Variants in PMEPA1 observed in about 807,000 individuals in gnomAD.
PMEPA1 encodes prostate transmembrane protein, androgen induced 1, also known as protein TMEPAI.
PMEPA1 carries 11 observed loss-of-function variants against 23.0 expected under a neutral mutation model. The observed-to-expected ratio is 0.48, with a 90% confidence interval of 0.30 to 0.79. The LOEUF (loss-of-function observed/expected upper bound fraction) is 0.79. Ranked by LOEUF, PMEPA1 falls within the 30% of genes least tolerant of loss-of-function variation. The probability of loss-of-function intolerance (pLI) is 0.06; values close to 1 mark genes in which losing one functional copy is unlikely to be tolerated. For synonymous variants in PMEPA1, 204 were observed against 166.4 expected, an observed-to-expected ratio of 1.23 and a Z score of -1.74; for missense variants, 377 against 390.9, an observed-to-expected ratio of 0.96 and a Z score of 0.30.
At chr20:57,706,837 C>T (rs2072097325) in intron 1 of PMEPA1, among the ~76,000 whole-genome samples, 1 of 152,138 alleles carries the variant, frequency 6.6e-6, no homozygotes, top group Non-Finnish European at 1.5e-5. Context: ...CTTGCGTAGG[C>T]TCCTCTCAGG....
intron 1 of PMEPA1, among the ~76,000 whole-genome samples, chr20:57,691,342 A>G (rs1310066653): frequency 1.3e-5 from 2 of 152,178 alleles, no homozygotes; most frequent in African/African-American, 4.8e-5. Context: ...ACTCTTCCGA[A>G]GGTCCCTCCA....
At chr20:57,668,501 G>A (rs961675938) in intron 1 of PMEPA1, among the ~76,000 whole-genome samples, 1 of 152,166 alleles carries the variant, frequency 6.6e-6, no homozygotes, top group Non-Finnish European at 1.5e-5. Flanking sequence ...CTCCTCCTAC[G>A]CCTGTCCCCT....
chr20:57,693,875 GA>G (rs1169606399), intron 1 of PMEPA1, among the ~76,000 whole-genome samples: 4 of 152,206 alleles, frequency 2.6e-5, no homozygotes, highest in African/African-American at 4.8e-5. Context: ...GGGCACCAAG[GA>G]AGTACTCAGT....
chr20:57,666,549 AGT>A (rs1222856243), intron 1 of PMEPA1, among the ~76,000 whole-genome samples: 1 of 152,148 alleles, frequency 6.6e-6, no homozygotes, highest in African/African-American at 2.4e-5. Context: ...AGCAGTCCTG[AGT>A]GTGATTATCC....
chr20:57,662,051 G>C (rs1190165281), intron 1 of PMEPA1, among the ~76,000 whole-genome samples: 1 of 149,710 alleles, frequency 6.7e-6, no homozygotes, highest in African/African-American at 2.5e-5. Flanking sequence ...AGCTGGGGCC[G>C]CATCTGCACC....
Position 57,683,866 on chromosome 20 carries a change from C to T in PMEPA1, c.110-24169G>A, listed in dbSNP as rs562541194. Among the ~76,000 whole-genome samples the T allele has an allele frequency of 2.6e-5, 4 of 152,138 alleles. No individual in the cohort carries two copies. The highest frequency in any genetic ancestry group is 4.2e-4 in the South Asian group (2 of 4,794). On this transcript the variant is annotated intron_variant, in intron 1 of 3. Coordinates refer to ENST00000341744, the MANE Select transcript of PMEPA1 (RefSeq NM_020182.5). The surrounding 1 kb of genome is among the most constrained non-coding windows in gnomAD (Gnocchi z 4.3). ...GCACAAAGTCCATCATAAACCCATG[C>T]GGGGCACAATGGGAGTAGCTGCTCA... is the stretch of plus-strand genomic sequence containing the variant.
intron 1 of PMEPA1, among the ~76,000 whole-genome samples, chr20:57,664,848 G>A (rs2071471588): frequency 6.6e-6 from 1 of 152,254 alleles, no homozygotes; most frequent in Non-Finnish European, 1.5e-5. Context: ...AGGGCAGGCG[G>A]CTTCAGGACT....
intron 1 of PMEPA1, among the ~76,000 whole-genome samples, chr20:57,679,914 A>G: frequency 6.6e-6 from 1 of 152,214 alleles, no homozygotes; most frequent in East Asian, 1.9e-4. Context: ...AGTTGCCCAG[A>G]GACACAGAGC....
At chr20:57,673,742 C>G (rs763268737) in intron 1 of PMEPA1, among the ~76,000 whole-genome samples, 4 of 152,212 alleles carry the variant, frequency 2.6e-5, no homozygotes, top group Non-Finnish European at 4.4e-5. Context: ...AAGAGACCCA[C>G]AGCCAGTCAA....
rs2071746572 is a variant in PMEPA1, at chr20:57,683,362, T to C, written c.110-23665A>G. Reference sequence around the variant, plus strand: ...GGCCTGGTGACTTGGGTTAATATAATCATTTTCCTTTAATTACTCCAGGAA... The same window carrying C: ...GGCCTGGTGACTTGGGTTAATATAACCATTTTCCTTTAATTACTCCAGGAA... On this transcript the variant is annotated intron_variant, in intron 1 of 3. Coordinates refer to ENST00000341744, the MANE Select transcript of PMEPA1 (RefSeq NM_020182.5). The surrounding 1 kb of genome is among the most constrained non-coding windows in gnomAD (Gnocchi z 4.3). 6.6e-6 allele frequency among the ~76,000 whole-genome samples: 1 copy of C among 152,136 alleles called. No homozygotes were observed. The highest frequency in any genetic ancestry group is 1.5e-5 in the Non-Finnish European group (1 of 68,040).
chr20:57,686,357 C>T (rs2071800764), intron 1 of PMEPA1, among the ~76,000 whole-genome samples: 1 of 152,338 alleles, frequency 6.6e-6, no homozygotes, highest in Non-Finnish European at 1.5e-5. Context: ...CTGCCCTGCT[C>T]ATGGCAGCTT....
chr20:57,681,334 C>T (rs1484597659), intron 1 of PMEPA1, among the ~76,000 whole-genome samples: 2 of 152,212 alleles, frequency 1.3e-5, no homozygotes, highest in Non-Finnish European at 2.9e-5. Flanking sequence ...CCTGAGGGCA[C>T]CCTCACCCTG....
chr20:57,672,795 G>A lies in PMEPA1; in HGVS notation c.110-13098C>T, dbSNP rs528800125. Among the ~76,000 whole-genome samples, 4 of 152,274 alleles carry A rather than the reference G, an allele frequency of 2.6e-5. No individual in the cohort carries two copies. The East Asian group carries it at 7.7e-4, about 29-fold the overall frequency. ...AGTAAACACTCAGCGGAGTAGCTTA[G>A]CGGTTAAAAGGAATCCTGGCGCTGT... On this transcript the variant is annotated intron_variant, in intron 1 of 3. Transcript: ENST00000341744.
rs1555882174 is a variant in PMEPA1, at chr20:57,683,556, T to TGTGTGC, written c.110-23860_110-23859insGCACAC. ...GTGGTGGTGTTCTGGCCTGTGTGCG[T>TGTGTGC]GTGTGTGTGTGTGTGTGTGTGTGTG... On this transcript the variant is annotated intron_variant, in intron 1 of 3. Transcript: ENST00000341744. This position sits in a 1 kb window ranked among gnomAD's most constrained non-coding sequence, Gnocchi z 4.3. Among the ~76,000 whole-genome samples the TGTGTGC allele has an allele frequency of 0.027, 3,018 of 111,876 alleles. 54 individuals are homozygous for TGTGTGC. Among genetic ancestry groups the TGTGTGC allele is most frequent in the Non-Finnish European group, 0.038 (1,892 of 49,726 alleles). The allele number at this position is 111,876 out of a possible 152,430, so 73.4% of individuals were successfully genotyped here. A position where few individuals can be genotyped will look rare whatever the true frequency, so the allele number is the denominator to read the frequency against.
upstream of PMEPA1, chr20:57,710,499 C>T (rs747568679): frequency 1.2e-6 from 2 of 1,602,328 alleles, no homozygotes; most frequent in Non-Finnish European, 8.5e-7. Context: ...GCCTTCAGTT[C>T]TCCAGCAGCT....
chr20:57,698,530 G>C (rs2071971100), intron 1 of PMEPA1, among the ~76,000 whole-genome samples: 1 of 152,198 alleles, frequency 6.6e-6, no homozygotes, highest in South Asian at 2.1e-4. Context: ...AAAGTAGAAA[G>C]AAAAGAACAA....
At position 57,659,573 on chromosome 20, in the gene PMEPA1, C is replaced by T. The variant is rs754140174; in HGVS notation, c.234G>A (p.Gln78=). Residue 78 remains glutamine, a synonymous_variant, in exon 2 of 4, where the codon CAG becomes CAA. Transcript: ENST00000341744. The part of the protein sequence containing the change: ...SARSFISRHS[Q]GRRREDALSS... ...ACAGGGCATCTTCTCTCCTCCGCCC[C>T]TGGCTGTGCCGGCTGATGAAGGACC... is the stretch of plus-strand genomic sequence containing the variant. 3.7e-6 allele frequency: 6 copies of T among 1,613,964 alleles called. No homozygotes were observed. Among genetic ancestry groups the T allele is most frequent in the Non-Finnish European group, 4.2e-6 (5 of 1,179,966 alleles).
intron 1 of PMEPA1, among the ~76,000 whole-genome samples, chr20:57,690,037 C>T (rs2071855773): frequency 6.6e-6 from 1 of 152,266 alleles, no homozygotes; most frequent in Non-Finnish European, 1.5e-5. Flanking sequence ...CACCTCAGCT[C>T]CACGAGCTAG....
At chr20:57,694,668 A>G (rs1000784011) in intron 1 of PMEPA1, among the ~76,000 whole-genome samples, 1 of 152,180 alleles carries the variant, frequency 6.6e-6, no homozygotes, top group Non-Finnish European at 1.5e-5. Flanking sequence ...TTTATCTGTA[A>G]AACAGGTCTA....
Sources: gnomAD v4.1 joint callset for allele counts (sites outside exome capture counted in the v4.1 genomes callset) on GRCh38, gnomAD v4.1.1 for gene constraint, Gnocchi (gnomAD v3.1) non-coding constraint, MANE v1.5 for transcripts, NCBI Gene and HGNC (gene_info 2026-07-23, HGNC 2026-07-21) for gene names.